The following HS6ST3 variants were observed in gnomAD, a reference collection of about 807,000 sequenced individuals.
HS6ST3 encodes the protein heparan-sulfate 6-O-sulfotransferase 3.
In HS6ST3, 12 loss-of-function variants were observed where a neutral mutation model predicts 36.7. The ratio of observed to expected loss-of-function variants is 0.33; its 90% CI spans 0.21 to 0.53. HS6ST3 has a LOEUF of 0.53. Among genes scored for constraint, HS6ST3 ranks in the 20% least tolerant of loss-of-function variants. The probability of loss-of-function intolerance (pLI) is 0.95; values close to 1 mark genes in which losing one functional copy is unlikely to be tolerated. For missense variants in HS6ST3, 584 were observed against 640.9 expected, an observed-to-expected ratio of 0.91 and a Z score of 0.96; for synonymous variants, 240 against 257.5, an observed-to-expected ratio of 0.93 and a Z score of 0.65.
intron 1 of HS6ST3, among the ~76,000 whole-genome samples, chr13:96,483,226 G>T (rs1257324859): frequency 6.6e-6 from 1 of 152,312 alleles, no homozygotes. Context: ...CAGGGAAGTG[G>T]TACTAGAGAT....
intron 1 of HS6ST3, among the ~76,000 whole-genome samples, chr13:96,408,646 A>T (rs145033904): frequency 6.6e-6 from 1 of 152,254 alleles, no homozygotes; most frequent in Non-Finnish European, 1.5e-5. Flanking sequence ...TAATCAGGTC[A>T]GGCATGGTGG....
chr13:96,342,289 T>C (rs1386462989), intron 1 of HS6ST3, among the ~76,000 whole-genome samples: 2 of 152,344 alleles, frequency 1.3e-5, no homozygotes, highest in South Asian at 2.1e-4. Flanking sequence ...TCATTTGTTA[T>C]ATTTATTTGT....
chr13:96,616,546 A>G (rs2056475013), intron 1 of HS6ST3, among the ~76,000 whole-genome samples: 2 of 152,172 alleles, frequency 1.3e-5, no homozygotes, highest in South Asian at 4.1e-4. Flanking sequence ...AGTAGAAAAC[A>G]TTCTAACCAG....
chr13:96,800,939 G>A (rs1046327448), intron 1 of HS6ST3, among the ~76,000 whole-genome samples: 1 of 152,044 alleles, frequency 6.6e-6, no homozygotes, highest in Non-Finnish European at 1.5e-5. Flanking sequence ...TCCTGTCCTA[G>A]TAAGACATAA....
intron 1 of HS6ST3, among the ~76,000 whole-genome samples, chr13:96,489,787 T>C (rs945237296): frequency 5.3e-5 from 8 of 152,166 alleles, no homozygotes; most frequent in Non-Finnish European, 8.8e-5. Flanking sequence ...ACACTTCTTA[T>C]ACATTTGGAG....
At chr13:96,743,359 C>T (rs1047781347) in intron 1 of HS6ST3, among the ~76,000 whole-genome samples, 15 of 152,080 alleles carry the variant, frequency 9.9e-5, no homozygotes, top group Admixed American at 4.6e-4. Context: ...TGAACAGTCA[C>T]TCGGGCAATC....
chr13:96,116,035 A>T (rs2053892335), intron 1 of HS6ST3, among the ~76,000 whole-genome samples: 1 of 152,190 alleles, frequency 6.6e-6, no homozygotes, highest in African/African-American at 2.4e-5. Flanking sequence ...TATTGGCCGC[A>T]TAAATGTCTT....
At chr13:96,618,135 T>G (rs1316523032) in intron 1 of HS6ST3, among the ~76,000 whole-genome samples, 1 of 152,180 alleles carries the variant, frequency 6.6e-6, no homozygotes, top group Non-Finnish European at 1.5e-5. Context: ...GGTTTCACTG[T>G]GTTGCCCAGG....
chr13:96,520,832 C>T (rs2056090516), intron 1 of HS6ST3, among the ~76,000 whole-genome samples: 1 of 152,108 alleles, frequency 6.6e-6, no homozygotes, highest in Admixed American at 6.6e-5. Flanking sequence ...TTTGAATATC[C>T]TTTATTGCTT....
chr13:96,276,340 A>C (rs1293668388), intron 1 of HS6ST3, among the ~76,000 whole-genome samples: 2 of 152,122 alleles, frequency 1.3e-5, no homozygotes, highest in Non-Finnish European at 2.9e-5. Flanking sequence ...CTGGAGCATA[A>C]TGCCATTCTC....
At chr13:96,319,516 C>T (rs367949449) in intron 1 of HS6ST3, among the ~76,000 whole-genome samples, 7 of 152,076 alleles carry the variant, frequency 4.6e-5, no homozygotes, top group South Asian at 2.1e-4. Flanking sequence ...ACCTTGGAAT[C>T]GAATTATTGG....
chr13:96,342,545 C>T (rs563482932), intron 1 of HS6ST3, among the ~76,000 whole-genome samples: 1 of 152,298 alleles, frequency 6.6e-6, no homozygotes, highest in African/African-American at 2.4e-5. Flanking sequence ...TTGCTAATGT[C>T]ATCCTATCAA....
chr13:96,774,591 G>T (rs968706802), intron 1 of HS6ST3, among the ~76,000 whole-genome samples: 1 of 152,066 alleles, frequency 6.6e-6, no homozygotes, highest in South Asian at 2.1e-4. Flanking sequence ...AGAGATTGAA[G>T]ATCAACTTAA....
intron 1 of HS6ST3, among the ~76,000 whole-genome samples, chr13:96,174,874 A>G (rs2054205203): frequency 6.6e-6 from 1 of 152,106 alleles, no homozygotes; most frequent in South Asian, 2.1e-4. Context: ...TCAGAACCAA[A>G]TTTAGGCCAT....
chr13:96,304,490 G>A (rs1294308721), intron 1 of HS6ST3, among the ~76,000 whole-genome samples: 1 of 152,042 alleles, frequency 6.6e-6, no homozygotes, highest in Admixed American at 6.6e-5. Flanking sequence ...ATGGAGATGT[G>A]CCTTAGTTAA....
intron 1 of HS6ST3, among the ~76,000 whole-genome samples, 159 bp downstream of exon 1, chr13:96,091,728 G>T (rs532768292): frequency 2.0e-5 from 3 of 151,572 alleles, no homozygotes; most frequent in African/African-American, 7.3e-5. Context: ...AGAAACCTCC[G>T]GATAGTGCCT....
At chr13:96,300,579 G>T (rs1947732374) in intron 1 of HS6ST3, among the ~76,000 whole-genome samples, 1 of 151,994 alleles carries the variant, frequency 6.6e-6, no homozygotes, top group Non-Finnish European at 1.5e-5. Flanking sequence ...CAGTAGAAGA[G>T]AATATTCTTT....
chr13:96,138,704 A>G (rs1260604704), intron 1 of HS6ST3, among the ~76,000 whole-genome samples: 2 of 152,060 alleles, frequency 1.3e-5, no homozygotes, highest in Non-Finnish European at 2.9e-5. Flanking sequence ...GGTTAAGTGG[A>G]TAGTAAAATA....
At chr13:96,469,302 CTT>C in intron 1 of HS6ST3, among the ~76,000 whole-genome samples, 1 of 146,574 alleles carries the variant, frequency 6.8e-6, no homozygotes, top group African/African-American at 2.5e-5. Context: ...CCTCCCCCAA[CTT>C]TTTTTTTTTT....
Sources: gnomAD v4.1 joint callset for allele counts (sites outside exome capture counted in the v4.1 genomes callset) on GRCh38, gnomAD v4.1.1 for gene constraint, MANE v1.5 for transcripts, NCBI Gene and HGNC (gene_info 2026-07-23, HGNC 2026-07-21) for gene names.